ASB10: variants seen among roughly 807,000 people sequenced by gnomAD.
ASB10 encodes the protein ankyrin repeat and SOCS box containing 10.
ASB10 carries 44 observed loss-of-function variants against 35.4 expected under a neutral mutation model. The ratio of observed to expected loss-of-function variants is 1.24; its 90% CI spans 0.98 to 1.60. ASB10 has a LOEUF of 1.60. ASB10 is among the 40% of genes most tolerant of loss of function. The pLI, the probability that ASB10 is intolerant of heterozygous loss-of-function variation, is 0.00. For synonymous variants in ASB10, 294 were observed against 280.4 expected, an observed-to-expected ratio of 1.05 and a Z score of -0.49; for missense variants, 647 against 634.3, an observed-to-expected ratio of 1.02 and a Z score of -0.22.
At chr7:151,183,359 C>T (rs143531586) in intron 2 of ASB10, among the ~76,000 whole-genome samples, 92 of 152,302 alleles carry the variant, frequency 6.0e-4, no homozygotes, top group Middle Eastern at 3.4e-3. Flanking sequence ...GAGCTATGAA[C>T]GTACCACTGG....
At chr7:151,177,489 G>C (rs934728916) in intron 3 of ASB10, among the ~76,000 whole-genome samples, 4 of 152,184 alleles carry the variant, frequency 2.6e-5, no homozygotes, top group Non-Finnish European at 4.4e-5. Flanking sequence ...TGGGTTTTCT[G>C]CTGGCTGGAA....
At chr7:151,183,825 A>T (rs1474248892) in intron 2 of ASB10, among the ~76,000 whole-genome samples, 1 of 152,122 alleles carries the variant, frequency 6.6e-6, no homozygotes, top group Non-Finnish European at 1.5e-5. Context: ...ACCTCAGGTG[A>T]TCCACCCGGC....
intron 3 of ASB10, among the ~76,000 whole-genome samples, chr7:151,179,836 G>A (rs983361778): frequency 2.6e-5 from 4 of 152,216 alleles, no homozygotes; most frequent in Non-Finnish European, 5.9e-5. Flanking sequence ...CAGAGCTGCC[G>A]TCAGATTACA....
chr7:151,181,601 C>T, intron 2 of ASB10, 143 bp from the exon 3 acceptor site: 1 of 1,127,674 alleles, frequency 8.9e-7, no homozygotes, highest in Non-Finnish European at 1.2e-6. Flanking sequence ...TCTGCAAGAT[C>T]AACAGTGCCC....
At chr7:151,180,755 T>C (rs1801469315) in intron 3 of ASB10, among the ~76,000 whole-genome samples, 184 bp downstream of exon 3, 2 of 152,110 alleles carry the variant, frequency 1.3e-5, no homozygotes, top group Non-Finnish European at 1.5e-5. Flanking sequence ...CACACACACA[T>C]TTCCCACTGA....
intron 2 of ASB10, among the ~76,000 whole-genome samples, chr7:151,182,597 TA>T (rs1801515808): frequency 6.6e-6 from 1 of 151,644 alleles, no homozygotes; most frequent in African/African-American, 2.4e-5. Flanking sequence ...AAATAAAAAA[TA>T]AAAAAGACTG....
At chr7:151,176,988 C>T (rs768875092) in intron 3 of ASB10, among the ~76,000 whole-genome samples, 1 of 152,214 alleles carries the variant, frequency 6.6e-6, no homozygotes, top group Admixed American at 6.5e-5. Flanking sequence ...TGGAGTGACA[C>T]ATGTACAAGT....
In ASB10 at chr7:151,181,015, G is replaced by T. The variant is rs750721454; in HGVS notation, c.1028C>A (p.Ala343Asp). Reference protein sequence around the residue: ...CALQGPAAALAQSPEHVVRAL... With the variant: ...CALQGPAAALDQSPEHVVRAL... ...CCGAACCACGTGCTCGGGGCTCTGG[G>T]CCAGGGCTGCAGCTGGGCCCTGCAG... Residue 343 changes from alanine (A) to aspartate (D), a missense_variant, in exon 3 of 6, where the codon GCC becomes GAC. Coordinates refer to ENST00000420175, the MANE Select transcript of ASB10 (RefSeq NM_001142459.2). 3.7e-6 allele frequency: 6 copies of T among 1,605,524 alleles called. No individual in the cohort carries two copies. The highest frequency in any genetic ancestry group is 4.3e-6 in the Non-Finnish European group (5 of 1,174,836).
chr7:151,179,648 C>A (rs182684264), intron 3 of ASB10, among the ~76,000 whole-genome samples: 1 of 152,338 alleles, frequency 6.6e-6, no homozygotes, highest in Non-Finnish European at 1.5e-5. Context: ...GGACAGAAAC[C>A]CCTCAGCTGG....
chr7:151,187,672 G>C (rs753455232), upstream of ASB10: 219 of 1,510,696 alleles, frequency 1.4e-4, no homozygotes, highest in Non-Finnish European at 1.9e-4. This position sits in a 1 kb window ranked among gnomAD's most constrained non-coding sequence, Gnocchi z 5.3. Flanking sequence ...CGGAGGGAAG[G>C]CACCCCAGAT....
Position 151,186,882 on chromosome 7 carries a change from A to T in ASB10, c.249T>A (p.Pro83=), listed in dbSNP as rs1441318706. 6.2e-7 allele frequency: 1 copy of T among 1,613,614 alleles called. No individual in the cohort carries two copies. The change falls in exon 1 of 6, where the codon CCT becomes CCA. Residue 83 remains proline (P), a synonymous_variant. Transcript: ENST00000420175. ...GGTCGCTGGTATCAAAGACGGAATC[A>T]GGAGCCAGGCCAGTACTGGAGTCCG... ...ILADSSTGLA[P]DSVFDTSDPE...
chr7:151,186,906 C>G lies in ASB10; in HGVS notation c.225G>C (p.Ala75=). 3 of 1,614,006 alleles carry G rather than the reference C, an allele frequency of 1.9e-6. No individual in the cohort carries two copies. The highest frequency in any genetic ancestry group is 2.5e-6 in the Non-Finnish European group (3 of 1,180,030). The change falls in exon 1 of 6, where the codon GCG becomes GCC. Residue 75 remains alanine (A), a synonymous_variant. Coordinates refer to ENST00000420175, the MANE Select transcript of ASB10 (RefSeq NM_001142459.2). ...GDVGCVSRIL[A]DSSTGLAPDS... ...CAGGAGCCAGGCCAGTACTGGAGTC[C>G]GCGAGGATGCGGGAGACACAGCCCA...
rs373581649 is a variant in ASB10 at position 151,181,154 on chromosome 7, G to A, written c.889C>T (p.Pro297Ser). ...ADAADQDKQR[P>S]LHLACRRGHA... ...CCACGGCGGCAGGCCAGGTGCAGGG[G>A]TCGCTGCTTGTCCTGGTCCGCAGCA... Residue 297 changes from proline (P) to serine (S), a missense_variant, in exon 3 of 6, where the codon CCC becomes TCC. Transcript: ENST00000420175. The A allele has an allele frequency of 1.9e-6, 3 of 1,609,942 alleles. No homozygotes were observed. The highest frequency in any genetic ancestry group is 2.7e-5 in the African/African-American group (2 of 74,900).
intron 2 of ASB10, among the ~76,000 whole-genome samples, chr7:151,186,100 A>G (rs1801583166): frequency 6.6e-6 from 1 of 152,240 alleles, no homozygotes; most frequent in African/African-American, 2.4e-5. Flanking sequence ...TTTAAGCAAC[A>G]CCACCTCCCC....
At position 151,175,857 on chromosome 7, in the gene ASB10, C is replaced by A. The variant is rs1041423937; in HGVS notation, c.*110G>T. ...GAATTGCAGCATCCACACCTGCCTG[C>A]GGAGCTGGGCCTCCTGCTGCCAGGG... On this transcript the variant is annotated 3_prime_UTR_variant, in exon 6 of 6. Transcript: ENST00000420175. The A allele has an allele frequency of 1.5e-4, 76 of 506,404 alleles. No homozygotes were observed. The highest frequency in any genetic ancestry group is 2.4e-4 in the Non-Finnish European group (70 of 289,510). 31.4% of individuals were successfully genotyped at this position (506,404 alleles called of 1,614,324 possible).
chr7:151,183,494 G>A (rs1017280614), intron 2 of ASB10, among the ~76,000 whole-genome samples: 4 of 152,084 alleles, frequency 2.6e-5, no homozygotes, highest in South Asian at 2.1e-4. Context: ...TGCAACCTCC[G>A]CCTCACAGGC....
chr7:151,176,164 G>A lies in ASB10; in HGVS notation c.1352C>T (p.Pro451Leu), dbSNP rs935737499. The A allele has an allele frequency of 1.2e-5, 20 of 1,611,688 alleles. 1 individual carries two copies. Among genetic ancestry groups the A allele is most frequent in the African/African-American group, 2.7e-5 (2 of 74,898 alleles). Residue 451 changes from proline (P) to leucine (L), a missense_variant, in exon 5 of 6, where the codon CCA becomes CTA. By Grantham distance (98) the Pro-to-Leu change is moderately conservative. Transcript: ENST00000420175. ...LPQALPRLPL[P>L]PRLLRYLQLD... ...CTGCAGGTAGCGGAGCAGGCGCGGTGGCAGGGGGAGGCGGGGCAGCGCTTG... is the reference window on the plus strand; with the variant it reads ...CTGCAGGTAGCGGAGCAGGCGCGGTAGCAGGGGGAGGCGGGGCAGCGCTTG...
intron 3 of ASB10, among the ~76,000 whole-genome samples, chr7:151,179,936 C>T (rs760475848): frequency 2.8e-4 from 42 of 152,342 alleles, no homozygotes; most frequent in Non-Finnish European, 5.7e-4. Context: ...AAAGGGGAGA[C>T]CAATCTGCCG....
rs766066500 is a variant in ASB10, at chr7:151,187,087, TC to T, written c.43del (p.Glu15SerfsTer91). On this transcript the variant is annotated frameshift_variant, in exon 1 of 6. Coordinates refer to ENST00000420175, the MANE Select transcript of ASB10 (RefSeq NM_001142459.2). LOFTEE classifies it high-confidence loss of function. The surrounding 1 kb of genome is among the most constrained non-coding windows in gnomAD (Gnocchi z 5.3). ...GAGGGGGTGTCTGTCATCGAGGGGC[TC>T]TCCCTGCCCCTTGCACTCTTCTGGA... Reference protein sequence around the residue: ...WSPEECKGQGEPLDDRHPLCA... With the variant: ...WSPEECKGQGXPLDDRHPLCA... The T allele has an allele frequency of 6.2e-7, 1 of 1,604,022 alleles. No individual in the cohort carries two copies. The highest frequency in any genetic ancestry group is 8.5e-7 in the Non-Finnish European group (1 of 1,175,604).
Sources: allele counts gnomAD v4.1 joint callset (sites outside exome capture counted in the v4.1 genomes callset), GRCh38; gene constraint gnomAD v4.1.1; non-coding constraint Gnocchi (gnomAD v3.1); transcripts MANE v1.5; gene names NCBI Gene and HGNC (gene_info 2026-07-23, HGNC 2026-07-21).